JAKMIP3: variants seen among roughly 807,000 people sequenced by gnomAD.
The protein encoded by JAKMIP3 is janus kinase and microtubule-interacting protein 3.
Under a neutral mutation model 118.5 loss-of-function variants are expected in JAKMIP3, and 58 were observed. The observed-to-expected ratio is 0.49, with a 90% CI of 0.40 to 0.61. The LOEUF (loss-of-function observed/expected upper bound fraction) is 0.61. Ranked by LOEUF, JAKMIP3 falls within the 20% of genes least tolerant of loss-of-function variation. The pLI is 0.00. For synonymous variants in JAKMIP3, 486 were observed against 451.2 expected (o/e 1.08, Z -0.98); for missense variants, 950 against 1,109.0 (o/e 0.86, Z 2.04).
intron 1 of JAKMIP3, among the ~76,000 whole-genome samples, chr10:132,048,762 G>A (rs563457366): frequency 3.5e-5 from 5 of 144,618 alleles, no homozygotes; most frequent in African/African-American, 1.3e-4. Flanking sequence ...TCAGCCTCCT[G>A]AGTAGCTGGA....
chr10:132,176,979 T>C (rs2060199302), intron 23 of JAKMIP3, among the ~76,000 whole-genome samples: 1 of 152,168 alleles, frequency 6.6e-6, no homozygotes, highest in Non-Finnish European at 1.5e-5. Flanking sequence ...GTTTAGAATC[T>C]TTCTGTTTTT....
chr10:132,083,068 C>T (rs574602681), intron 1 of JAKMIP3, among the ~76,000 whole-genome samples: 20 of 152,284 alleles, frequency 1.3e-4, no homozygotes, highest in African/African-American at 2.6e-4. Context: ...GTGGGATTGC[C>T]GGATCAAATG....
chr10:132,159,368 CTGGT>C (rs2057566361), intron 19 of JAKMIP3, among the ~76,000 whole-genome samples: 2 of 62,866 alleles, frequency 3.2e-5, no homozygotes, highest in African/African-American at 6.0e-5. Context: ...CTGTGTGATG[CTGGT>C]TGGGGGGGGT....
At chr10:132,089,170 A>G (rs574045147) in intron 1 of JAKMIP3, among the ~76,000 whole-genome samples, 1 of 151,836 alleles carries the variant, frequency 6.6e-6, no homozygotes, top group African/African-American at 2.4e-5. Context: ...CTTTTGGTTT[A>G]GGGTTGTCTT....
At chr10:132,133,673 G>A in intron 4 of JAKMIP3, 146 bp downstream of exon 4, 1 of 707,908 alleles carries the variant, frequency 1.4e-6, no homozygotes, top group Non-Finnish European at 2.3e-6. Context: ...TCCCCACCCA[G>A]CCTGGCCCTA....
rs1457478646 is a variant in JAKMIP3 at position 132,044,800 on chromosome 10, A to G, written c.-138+8062A>G. Among the ~76,000 whole-genome samples, 2 of 151,714 alleles carry G rather than the reference A, an allele frequency of 1.3e-5. No homozygotes were observed. Among genetic ancestry groups the G allele is most frequent in the East Asian group, 3.9e-4 (2 of 5,138 alleles). On this transcript the variant is annotated intron_variant, in intron 1 of 23. Coordinates refer to the JAKMIP3 transcript ENST00000657785. This position sits in a 1 kb window ranked among gnomAD's most constrained non-coding sequence, Gnocchi z 5.3. ...TTTCATCTTCCCAAACGGAAACTGT[A>G]CCCCCCACCCAGCCCCTGACACCCC... is the stretch of plus-strand genomic sequence containing the variant.
intron 21 of JAKMIP3, among the ~76,000 whole-genome samples, chr10:132,165,196 G>A (rs1418735142): frequency 1.3e-5 from 2 of 152,192 alleles, no homozygotes; most frequent in Non-Finnish European, 2.9e-5. Context: ...CACACACCAG[G>A]GCTGGGGAGG....
In JAKMIP3 at chr10:132,180,568, CGTGTGTGTGTGCGTGCGCGT is replaced by C. The variant is rs2060772856; in HGVS notation, c.*1104-1779_*1104-1760del. 9.0e-5 allele frequency among the ~76,000 whole-genome samples: 2 copies of C among 22,314 alleles called. 1 individual carries two copies. The highest frequency in any genetic ancestry group is 1.5e-4 in the Non-Finnish European group (2 of 13,242). 14.6% of individuals were successfully genotyped at this position (22,314 alleles called of 152,430 possible). Reference sequence around the variant, plus strand: ...GTGCGTGCGTGCATGCGTGTGTGTGCGTGTGTGTGTGCGTGCGCGTGTGTGTGTGCGTGCGCGTGTGTGTG... The same window carrying C: ...GTGCGTGCGTGCATGCGTGTGTGTGCGTGTGTGTGCGTGCGCGTGTGTGTG... On this transcript the variant is annotated intron_variant, in intron 23 of 23. Transcript: ENST00000684848.
At chr10:132,141,861 G>A in intron 10 of JAKMIP3, 59 bp from the exon 11 acceptor site, 1 of 1,551,778 alleles carries the variant, frequency 6.4e-7, no homozygotes, top group Admixed American at 1.9e-5. Flanking sequence ...CGCCATCGGA[G>A]GAGGTGCTGG....
rs117915976 is a variant in JAKMIP3 at position 132,159,656 on chromosome 10, G to A, written c.2221-3553G>A. Among the ~76,000 whole-genome samples the A allele has an allele frequency of 1.4e-3, 97 of 66,960 alleles. 1 individual carries two copies. Among genetic ancestry groups the A allele is most frequent in the East Asian group, 2.8e-3 (6 of 2,128 alleles). The allele number at this position is 66,960 out of a possible 152,430, so 43.9% of individuals were successfully genotyped here. A position where few individuals can be genotyped will look rare whatever the true frequency, so the allele number is the denominator to read the frequency against. ...TTGTGATGCTGGGGGGCCTCTCCCT[G>A]TGTGATGCTGGGGGGTCCTCTCCCT... is the stretch of plus-strand genomic sequence containing the variant. On this transcript the variant is annotated intron_variant, in intron 19 of 23. Coordinates refer to ENST00000684848, the MANE Select transcript of JAKMIP3 (RefSeq NM_001323087.2).
At chr10:132,110,197 G>A (rs2046643847) in intron 2 of JAKMIP3, among the ~76,000 whole-genome samples, 1 of 152,210 alleles carries the variant, frequency 6.6e-6, no homozygotes, top group Admixed American at 6.5e-5. Context: ...GGGACAGGCA[G>A]CCCCCAAGCC....
At chr10:132,052,822 A>C (rs755684211) in intron 1 of JAKMIP3, among the ~76,000 whole-genome samples, 1 of 152,174 alleles carries the variant, frequency 6.6e-6, no homozygotes, top group Non-Finnish European at 1.5e-5. Context: ...AAATAGAAAA[A>C]GTTTATGTGG....
At chr10:132,145,903 G>C (rs1342813091) in intron 13 of JAKMIP3, among the ~76,000 whole-genome samples, 1 of 152,224 alleles carries the variant, frequency 6.6e-6, no homozygotes, top group Non-Finnish European at 1.5e-5. Flanking sequence ...CGTGACAGAG[G>C]AGCTTTATTG....
At chr10:132,136,874 T>C (rs2051892574) in intron 6 of JAKMIP3, 145 bp from the exon 7 acceptor site, 1 of 799,736 alleles carries the variant, frequency 1.3e-6, no homozygotes, top group Non-Finnish European at 2.0e-6. Flanking sequence ...GCAGCTGGGC[T>C]GTTCTGAGGC....
chr10:132,123,241 C>T (rs1564925847), intron 3 of JAKMIP3, among the ~76,000 whole-genome samples: 1 of 152,200 alleles, frequency 6.6e-6, no homozygotes, highest in Non-Finnish European at 1.5e-5. Context: ...GAAGCAGCTG[C>T]GTGGCAGATC....
chr10:132,115,992 T>C (rs1014451567), intron 2 of JAKMIP3, among the ~76,000 whole-genome samples: 4 of 152,342 alleles, frequency 2.6e-5, no homozygotes, highest in Middle Eastern at 3.4e-3. Context: ...CAGCAGAGCC[T>C]GGCCCACGGC....
chr10:132,175,203 C>T (rs573579552), intron 23 of JAKMIP3, among the ~76,000 whole-genome samples: 19 of 152,284 alleles, frequency 1.2e-4, no homozygotes, highest in Admixed American at 1.3e-4. Context: ...CAAATATTTT[C>T]TCCCATTTCC....
chr10:132,067,111 C>T (rs1021217437), intron 1 of JAKMIP3, among the ~76,000 whole-genome samples: 12 of 152,004 alleles, frequency 7.9e-5, no homozygotes, highest in Non-Finnish European at 1.6e-4. Context: ...GAAAGTGAGC[C>T]GGGCCGAGGA....
chr10:132,087,593 C>T (rs1288485566), intron 1 of JAKMIP3, among the ~76,000 whole-genome samples: 1 of 151,752 alleles, frequency 6.6e-6, no homozygotes, highest in Non-Finnish European at 1.5e-5. Flanking sequence ...TGGGTTAACT[C>T]GAAAACCTTA....
Sources: gnomAD v4.1 joint callset for allele counts (sites outside exome capture counted in the v4.1 genomes callset) on GRCh38, gnomAD v4.1.1 for gene constraint, Gnocchi (gnomAD v3.1) non-coding constraint, MANE v1.5 for transcripts, NCBI Gene and HGNC (gene_info 2026-07-23, HGNC 2026-07-21) for gene names.